The following MICU1 variants were observed in gnomAD, a reference collection of about 807,000 sequenced individuals.
The protein encoded by MICU1 is mitochondrial calcium uptake 1.
A neutral mutation model predicts 56.8 loss-of-function variants in MICU1; 45 were observed. The observed-to-expected ratio is 0.79, with a 90% CI of 0.62 to 1.02. MICU1 has a LOEUF of 1.02. MICU1 is among the 50% of genes least tolerant of loss of function. The pLI, the probability that MICU1 is intolerant of heterozygous loss-of-function variation, is 0.00. For missense variants in MICU1, 504 were observed against 587.1 expected, an observed-to-expected ratio of 0.86 and a Z score of 1.46; for synonymous variants, 186 against 195.1, an observed-to-expected ratio of 0.95 and a Z score of 0.39.
chr10:72,587,155 G>T (rs1841084267), intron 1 of MICU1, among the ~76,000 whole-genome samples: 1 of 152,156 alleles, frequency 6.6e-6, no homozygotes, highest in Admixed American at 6.6e-5. Context: ...TAATAGAAAA[G>T]TATCACAAGT....
At chr10:72,450,817 C>G (rs111239756) in intron 8 of MICU1, among the ~76,000 whole-genome samples, 35 of 150,688 alleles carry the variant, frequency 2.3e-4, no homozygotes, top group Admixed American at 2.1e-3. Context: ...CGCCACCACT[C>G]GGGTTCAAGC....
chr10:72,569,012 C>T (rs1840520632), intron 1 of MICU1, among the ~76,000 whole-genome samples: 1 of 150,408 alleles, frequency 6.6e-6, no homozygotes, highest in Non-Finnish European at 1.5e-5. Context: ...CCTCGGCCTC[C>T]CAAAGTGCCG....
At chr10:72,411,140 T>G (rs1863797303) in intron 9 of MICU1, among the ~76,000 whole-genome samples, 1 of 152,266 alleles carries the variant, frequency 6.6e-6, no homozygotes, top group South Asian at 2.1e-4. Context: ...ACTGTATGAC[T>G]GCACTTAAAT....
intron 8 of MICU1, among the ~76,000 whole-genome samples, chr10:72,457,384 ATTT>A (rs5786076): frequency 2.1e-5 from 3 of 141,638 alleles, no homozygotes; most frequent in Non-Finnish European, 4.6e-5. Flanking sequence ...TGCTTGGCCC[ATTT>A]TTTTTTTTTT....
intron 1 of MICU1, among the ~76,000 whole-genome samples, chr10:72,612,519 AG>A (rs1841878208): frequency 6.6e-6 from 1 of 152,214 alleles, no homozygotes; most frequent in African/African-American, 2.4e-5. Context: ...GAATATAGCC[AG>A]GCTTAGTGGC....
At chr10:72,565,279 C>T (rs945412621) in intron 2 of MICU1, among the ~76,000 whole-genome samples, 7 of 151,880 alleles carry the variant, frequency 4.6e-5, no homozygotes, top group African/African-American at 1.7e-4. Flanking sequence ...GAAAATGTGG[C>T]ACATATACAC....
At position 72,569,227 on chromosome 10, in the gene MICU1, A is replaced by ATTTTTT. The variant is rs1457174727; in HGVS notation, c.-1-2434_-1-2433insAAAAAA. Reference sequence around the variant, plus strand: ...TATGCATATATATATATATATATATATATATATATATTTTTTTTTTTTTTT... The same window carrying ATTTTTT: ...TATGCATATATATATATATATATATATTTTTTTATATATATATTTTTTTTTTTTTTT... On this transcript the variant is annotated intron_variant, in intron 1 of 11. Transcript: ENST00000361114. Among the ~76,000 whole-genome samples the ATTTTTT allele has an allele frequency of 1.2e-3, 47 of 40,574 alleles. 2 individuals are homozygous for ATTTTTT. The highest frequency in any genetic ancestry group is 3.9e-3 in the African/African-American group (36 of 9,218). The allele number at this position is 40,574 out of a possible 152,430, so 26.6% of individuals were successfully genotyped here.
chr10:72,598,872 C>T (rs1841449112), intron 1 of MICU1, among the ~76,000 whole-genome samples: 1 of 152,142 alleles, frequency 6.6e-6, no homozygotes, highest in African/African-American at 2.4e-5. Context: ...TTTCTTTTCT[C>T]CTTACTCCTT....
chr10:72,487,970 G>T (rs1206570432), intron 6 of MICU1, among the ~76,000 whole-genome samples: 1 of 152,112 alleles, frequency 6.6e-6, no homozygotes, highest in African/African-American at 2.4e-5. Flanking sequence ...GCCAAGGCAG[G>T]TGGATCACAT....
chr10:72,512,097 G>GCTT (rs1867471814), intron 5 of MICU1, among the ~76,000 whole-genome samples: 1 of 100,690 alleles, frequency 9.9e-6, no homozygotes, highest in African/African-American at 4.2e-5. Flanking sequence ...TCCATACACA[G>GCTT]TTGTTTTTTG....
intron 8 of MICU1, among the ~76,000 whole-genome samples, chr10:72,431,630 T>C (rs753278301): frequency 1.1e-3 from 160 of 152,280 alleles, no homozygotes; most frequent in Non-Finnish European, 1.7e-3. Flanking sequence ...TTCTGCAAAA[T>C]AATCACACCA....
chr10:72,481,177 A>C (rs1215837643), intron 6 of MICU1, among the ~76,000 whole-genome samples: 1 of 152,204 alleles, frequency 6.6e-6, no homozygotes, highest in Non-Finnish European at 1.5e-5. Flanking sequence ...ATCATGTCAA[A>C]GCATATGGGA....
At chr10:72,611,982 G>A (rs1335384083) in intron 1 of MICU1, among the ~76,000 whole-genome samples, 1 of 134,592 alleles carries the variant, frequency 7.4e-6, no homozygotes, top group Non-Finnish European at 1.5e-5. Flanking sequence ...GCAACACAGT[G>A]AGACCTTATC....
intron 6 of MICU1, among the ~76,000 whole-genome samples, chr10:72,498,072 T>C (rs1005333709): frequency 6.6e-6 from 1 of 152,218 alleles, no homozygotes; most frequent in African/African-American, 2.4e-5. Context: ...CATTCATTCA[T>C]GATTTAATGT....
At chr10:72,585,777 G>C (rs1293087168) in intron 1 of MICU1, among the ~76,000 whole-genome samples, 4 of 152,026 alleles carry the variant, frequency 2.6e-5, no homozygotes, top group South Asian at 2.1e-4. Context: ...GTATCTGCAA[G>C]GGATAGGTTC....
intron 8 of MICU1, among the ~76,000 whole-genome samples, chr10:72,443,201 A>G (rs1248310590): frequency 6.6e-6 from 1 of 152,100 alleles, no homozygotes; most frequent in African/African-American, 2.4e-5. Flanking sequence ...TCCTTCGCCC[A>G]CTTTTTGATG....
chr10:72,410,534 G>A (rs144232197), intron 9 of MICU1, among the ~76,000 whole-genome samples: 1,907 of 152,270 alleles, frequency 0.013, 23 homozygotes, highest in Non-Finnish European at 0.016. Context: ...CAGGAGAATC[G>A]CTTGAGCCTG....
At chr10:72,431,099 T>C (rs1389453021) in intron 8 of MICU1, among the ~76,000 whole-genome samples, 1 of 129,004 alleles carries the variant, frequency 7.8e-6, no homozygotes, top group African/African-American at 2.9e-5. Context: ...TGTCTGTCTA[T>C]CTATCTATCT....
At chr10:72,536,471 T>G (rs1005669639) in intron 4 of MICU1, among the ~76,000 whole-genome samples, 1 of 151,972 alleles carries the variant, frequency 6.6e-6, no homozygotes, top group Admixed American at 6.6e-5. Context: ...CTTAGCCTCC[T>G]GAGTAGCTGG....
Sources: allele counts gnomAD v4.1 joint callset (sites outside exome capture counted in the v4.1 genomes callset), GRCh38; gene constraint gnomAD v4.1.1; transcripts MANE v1.5; gene names NCBI Gene and HGNC (gene_info 2026-07-23, HGNC 2026-07-21).